Variants in DIAPH3 observed in about 807,000 individuals in gnomAD.
The protein encoded by DIAPH3 is diaphanous related formin 3.
In DIAPH3, 117 loss-of-function variants were observed where a neutral mutation model predicts 144.3. The ratio of observed to expected loss-of-function variants is 0.81; its 90% CI spans 0.70 to 0.95. DIAPH3 has a LOEUF of 0.95. Ranked by LOEUF, DIAPH3 falls within the 40% of genes least tolerant of loss-of-function variation. The pLI is 0.00. For synonymous variants in DIAPH3, 519 were observed against 488.9 expected, an observed-to-expected ratio of 1.06 and a Z score of -0.81; for missense variants, 1,421 against 1,412.7, an observed-to-expected ratio of 1.01 and a Z score of -0.09.
At chr13:59,861,220 A>C (rs2076598720) in intron 22 of DIAPH3, 187 bp downstream of exon 22, 1 of 1,488,484 alleles carries the variant, frequency 6.7e-7, no homozygotes, top group African/African-American at 1.4e-5. Context: ...CTAACTAAAC[A>C]AATTAAACTC....
At chr13:59,891,931 T>C (rs1388248120) in intron 20 of DIAPH3, among the ~76,000 whole-genome samples, 6 of 152,000 alleles carry the variant, frequency 3.9e-5, no homozygotes, top group African/African-American at 1.4e-4. Flanking sequence ...CTTTACTCAT[T>C]CATTGTGTAT....
At chr13:60,001,660 T>C (rs1229649009) in intron 9 of DIAPH3, among the ~76,000 whole-genome samples, 1 of 152,218 alleles carries the variant, frequency 6.6e-6, no homozygotes, top group Non-Finnish European at 1.5e-5. Context: ...ATTTATCTTA[T>C]GTGAAAGACA....
chr13:60,041,636 A>G (rs376785111), intron 5 of DIAPH3, among the ~76,000 whole-genome samples: 24 of 152,288 alleles, frequency 1.6e-4, no homozygotes, highest in African/African-American at 5.8e-4. Flanking sequence ...TCTCCATATC[A>G]TGAACCTCCA....
At chr13:59,722,202 A>C (rs1225766505) in intron 27 of DIAPH3, among the ~76,000 whole-genome samples, 3 of 152,210 alleles carry the variant, frequency 2.0e-5, no homozygotes, top group African/African-American at 7.2e-5. Context: ...ATAATGATTT[A>C]ACCTACAGAG....
intron 20 of DIAPH3, among the ~76,000 whole-genome samples, chr13:59,911,462 T>G (rs1396811967): frequency 6.6e-6 from 1 of 152,204 alleles, no homozygotes; most frequent in East Asian, 1.9e-4. Flanking sequence ...AGAAGTACAG[T>G]TTTTACTTTA....
intron 18 of DIAPH3, among the ~76,000 whole-genome samples, chr13:59,920,986 A>G (rs2047479978): frequency 6.6e-6 from 1 of 151,900 alleles, no homozygotes; most frequent in Non-Finnish European, 1.5e-5. Context: ...ATGCTTCTAA[A>G]TAACCAATGG....
intron 27 of DIAPH3, among the ~76,000 whole-genome samples, chr13:59,729,810 A>ATTTTTTTTTTTTTTTTTTTTTTT (rs59987412): frequency 2.2e-5 from 3 of 134,250 alleles, no homozygotes; most frequent in African/African-American, 9.2e-5. Flanking sequence ...ATACATTAAT[A>ATTTTTTTTTTTTTTTTTTTTTTT]TTTTTTTTTT....
chr13:60,016,231 G>T, intron 5 of DIAPH3, 86 bp from the exon 6 acceptor site: 2 of 1,182,278 alleles, frequency 1.7e-6, no homozygotes, highest in Non-Finnish European at 2.5e-6. Flanking sequence ...TTTTATATTT[G>T]CTATATTCCT....
rs371404696 is a variant in DIAPH3, at chr13:59,861,561, AAC to A, written c.2608-27_2608-26del. The A allele has an allele frequency of 7.5e-4, 1,204 of 1,606,878 alleles. 5 individuals carry two copies. The African/African-American group carries it at 0.014, about 19-fold the overall frequency. On this transcript the variant is annotated intron_variant, in intron 21 of 27. Coordinates refer to ENST00000400324, the MANE Select transcript of DIAPH3 (RefSeq NM_001042517.2). ...GCTAAATAGAACAGGAGGGAGAAAA[AAC>A]ACAGAGTCATAAGTATGTTGATATT...
intron 27 of DIAPH3, among the ~76,000 whole-genome samples, chr13:59,741,752 A>G (rs2036466282): frequency 6.6e-6 from 1 of 151,412 alleles, no homozygotes; most frequent in African/African-American, 2.4e-5. Context: ...GTTACAAAAT[A>G]CAACTTTTAA....
At chr13:60,088,709 C>T (rs1260890456) in intron 4 of DIAPH3, among the ~76,000 whole-genome samples, 1 of 152,180 alleles carries the variant, frequency 6.6e-6, no homozygotes, top group East Asian at 1.9e-4. Context: ...GCAACCTCCA[C>T]CTCCTGGGTT....
chr13:59,812,248 GCATCCATCCATC>G (rs67202819), intron 24 of DIAPH3, among the ~76,000 whole-genome samples: 87,768 of 150,060 alleles, frequency 0.58, 26,055 homozygotes, highest in East Asian at 0.7. Context: ...ATGCATGCAT[GCATCCATCCATC>G]CATCCATCCA....
intron 2 of DIAPH3, among the ~76,000 whole-genome samples, chr13:60,115,368 C>T (rs1033613539): frequency 1.3e-5 from 2 of 152,148 alleles, no homozygotes; most frequent in Non-Finnish European, 2.9e-5. Context: ...GAAAAATACT[C>T]AAGAACTGCA....
chr13:60,163,436 A>C (rs1387191737), intron 1 of DIAPH3, 151 bp downstream of exon 1: 2 of 1,129,100 alleles, frequency 1.8e-6, no homozygotes, highest in Non-Finnish European at 2.5e-6. Flanking sequence ...ATCCAACTAC[A>C]ACTAGACCCG....
chr13:60,042,759 C>T lies in DIAPH3; in HGVS notation c.557G>A (p.Gly186Glu), dbSNP rs747915322. 3 of 1,613,554 alleles carry T rather than the reference C, an allele frequency of 1.9e-6. No homozygotes were observed. The African/African-American group carries it at 4.0e-5, about 22-fold the overall frequency. ...TGTGACAAGTCTCTCATCTGCAGAC[C>T]CCATTTTCAGCTCATGAATGAATTC... Reference protein sequence around the residue: ...PQEFIHELKMGSADERLVTCL... With the variant: ...PQEFIHELKMESADERLVTCL... The change falls in exon 5 of 28, where the codon GGG (glycine) becomes GAG (glutamate). Residue 186 changes from glycine to glutamate, a missense_variant. By Grantham distance (98) the Gly-to-Glu change is moderately conservative. Transcript: ENST00000400324.
chr13:60,142,264 A>T (rs1313401912), intron 1 of DIAPH3, among the ~76,000 whole-genome samples: 1 of 152,240 alleles, frequency 6.6e-6, no homozygotes, highest in Non-Finnish European at 1.5e-5. Flanking sequence ...GTCTGTACTC[A>T]AATAATCATT....
At chr13:59,699,262 A>G (rs1402118862) in intron 27 of DIAPH3, among the ~76,000 whole-genome samples, 2 of 152,242 alleles carry the variant, frequency 1.3e-5, no homozygotes, top group African/African-American at 4.8e-5. Context: ...ATAATGGAGC[A>G]GAGATCTGTA....
chr13:59,950,794 G>A (rs1010387012), intron 17 of DIAPH3, among the ~76,000 whole-genome samples: 6 of 151,950 alleles, frequency 3.9e-5, no homozygotes, highest in Admixed American at 6.6e-5. Flanking sequence ...AGATATGAAG[G>A]CTATTTAATA....
At chr13:59,761,698 C>T (rs1160768149) in intron 27 of DIAPH3, among the ~76,000 whole-genome samples, 2 of 152,140 alleles carry the variant, frequency 1.3e-5, no homozygotes, top group Admixed American at 1.3e-4. Flanking sequence ...CACTGAAGAG[C>T]ATTTTAGTTT....
Sources: gnomAD v4.1 joint callset for allele counts (sites outside exome capture counted in the v4.1 genomes callset) on GRCh38, gnomAD v4.1.1 for gene constraint, MANE v1.5 for transcripts, NCBI Gene and HGNC (gene_info 2026-07-23, HGNC 2026-07-21) for gene names.